The following KARS1 variants were observed in gnomAD, a reference collection of about 807,000 sequenced individuals.
KARS1 encodes the protein lysine--tRNA ligase.
In KARS1, 50 loss-of-function variants were observed where a neutral mutation model predicts 63.9. The ratio of observed to expected loss-of-function variants is 0.78; its 90% CI spans 0.62 to 0.99. The LOEUF is 0.99. Among genes scored for constraint, KARS1 ranks in the 50% least tolerant of loss-of-function variants. The pLI is 0.00. For missense variants in KARS1, 816 were observed against 754.5 expected (o/e 1.08, Z -0.95); for synonymous variants, 320 against 264.6 (o/e 1.21, Z -2.03).
intron 1 of KARS1, among the ~76,000 whole-genome samples, chr16:75,645,716 A>G (rs908817287): frequency 4.6e-5 from 7 of 151,988 alleles, no homozygotes; most frequent in African/African-American, 1.7e-4. Context: ...GTGTTGTGGC[A>G]TGCACCTGTA....
Position 75,631,171 on chromosome 16 carries a change from G to A in KARS1, c.1335C>T (p.Asp445=). ...PPPRTTARLL[D]KLVGEFLEVT... is the part of the protein sequence containing the mutation. ...CAAGAAGGCAGGGCCTTCTCACCTT[G>A]TCAAGGAGCCTGGCTGTGGTCCGAG... Residue 445 remains aspartate (D), a synonymous_variant, in exon 10 of 14, where the codon GAC becomes GAT. Coordinates refer to ENST00000302445, the MANE Select transcript of KARS1 (RefSeq NM_005548.3). 5.6e-6 allele frequency: 9 copies of A among 1,613,148 alleles called. No homozygotes were observed. Among genetic ancestry groups the A allele is most frequent in the Non-Finnish European group, 6.8e-6 (8 of 1,179,264 alleles).
chr16:75,644,044 A>C (rs539393939), intron 1 of KARS1, among the ~76,000 whole-genome samples: 1 of 152,370 alleles, frequency 6.6e-6, no homozygotes, highest in Admixed American at 6.5e-5. Flanking sequence ...TTGTTCAAAC[A>C]AAGGTTTTGT....
Position 75,634,258 on chromosome 16 carries a change from C to G in KARS1, c.830G>C (p.Gly277Ala). Residue 277 changes from glycine to alanine, a missense_variant, in exon 7 of 14, where the codon GGA (glycine) becomes GCA (alanine). Physicochemically the swap from Gly to Ala is moderately conservative, Grantham distance 60. Transcript: ENST00000302445. ...AGTGATGAAAGGCTTGGCCACGGCTCCCCCTGGGATGATGTTCATCATGGG... is the reference window on the plus strand; with the variant it reads ...AGTGATGAAAGGCTTGGCCACGGCTGCCCCTGGGATGATGTTCATCATGGG... The part of the protein sequence containing the change: ...ETPMMNIIPG[G>A]AVAKPFITYH... 1 of 1,613,884 alleles carries G rather than the reference C, an allele frequency of 6.2e-7. No homozygotes were observed.
chr16:75,640,973 C>T (rs552664102), intron 2 of KARS1, among the ~76,000 whole-genome samples: 9 of 152,170 alleles, frequency 5.9e-5, no homozygotes, highest in Non-Finnish European at 1.3e-4. Flanking sequence ...GAGCCCGAGG[C>T]GGGTGGATCA....
chr16:75,643,502 G>A lies in KARS1; in HGVS notation c.63-1779C>T, dbSNP rs143855007. Among the ~76,000 whole-genome samples the A allele has an allele frequency of 3.2e-4, 49 of 151,562 alleles. 1 individual carries two copies. The highest frequency in any genetic ancestry group is 1.2e-3 in the East Asian group (6 of 5,138). ...ACACCATTTTCCTGCCTCAGCCTCCGGAGTAGCTGGGACTACAGGTGCCCG... is the reference window on the plus strand; with the variant it reads ...ACACCATTTTCCTGCCTCAGCCTCCAGAGTAGCTGGGACTACAGGTGCCCG... On this transcript the variant is annotated intron_variant, in intron 1 of 13. Coordinates refer to ENST00000302445, the MANE Select transcript of KARS1 (RefSeq NM_005548.3).
chr16:75,630,223 G>T (rs1391000935), intron 11 of KARS1, among the ~76,000 whole-genome samples, 200 bp downstream of exon 11: 1 of 152,182 alleles, frequency 6.6e-6, no homozygotes, highest in South Asian at 2.1e-4. Flanking sequence ...TGGAGGATAA[G>T]ATCGTATGTG....
chr16:75,644,546 G>A (rs2082260496), intron 1 of KARS1: 1 of 975,712 alleles, frequency 1.0e-6, no homozygotes. Context: ...GTTGGGGAGG[G>A]GGACCATGCT....
chr16:75,636,343 T>A, intron 4 of KARS1, 111 bp downstream of exon 4: 1 of 851,984 alleles, frequency 1.2e-6, no homozygotes, highest in Admixed American at 1.7e-5. Context: ...TCCCCAACCA[T>A]GTCCCACTCC....
intron 10 of KARS1, 26 bp from the exon 11 acceptor site, chr16:75,630,534 A>G (rs2082100335): frequency 6.9e-7 from 1 of 1,444,826 alleles, no homozygotes; most frequent in Non-Finnish European, 9.7e-7. Context: ...AAGCAGAGTC[A>G]GTCACCATTT....
rs893314207 is a variant in KARS1 at position 75,630,298 on chromosome 16, G to A, written c.1424+125C>T. ...ATCCCCAGTTGAAAAAAAGCCACTT[G>A]GGTTACCCTGGTCAACACCACCCAG... On this transcript the variant is annotated intron_variant, in intron 11 of 13. Coordinates refer to ENST00000302445, the MANE Select transcript of KARS1 (RefSeq NM_005548.3). 4.4e-6 allele frequency: 3 copies of A among 686,666 alleles called. No homozygotes were observed. In the Middle Eastern group the frequency reaches 7.2e-4, roughly 164 times the overall value. 42.5% of individuals were successfully genotyped at this position (686,666 alleles called of 1,614,324 possible).
rs57060791 is a variant in KARS1, at chr16:75,636,631, A to AT, written c.389-85dup. The AT allele has an allele frequency of 0.056, 40,183 of 712,902 alleles. 302 individuals are homozygous for AT. Among genetic ancestry groups the AT allele is most frequent in the Non-Finnish European group, 0.07 (30,359 of 431,206 alleles). 44.2% of individuals were successfully genotyped at this position (712,902 alleles called of 1,614,324 possible). A position where few individuals can be genotyped will look rare whatever the true frequency, so the allele number is the denominator to read the frequency against. On this transcript the variant is annotated intron_variant, in intron 3 of 13. Transcript: ENST00000302445. ...AGTGTCAAAAAAAAACTCCCTCTGC[A>AT]TTTTTTTTTTTGTTTTTTTTGGGAC...
intron 3 of KARS1, among the ~76,000 whole-genome samples, chr16:75,638,521 A>C (rs2082189158): frequency 6.6e-6 from 1 of 152,176 alleles, no homozygotes; most frequent in African/African-American, 2.4e-5. Flanking sequence ...TTCAAAAATG[A>C]GCTGAAAGAC....
At chr16:75,638,268 G>A (rs1229609790) in intron 3 of KARS1, among the ~76,000 whole-genome samples, 1 of 150,974 alleles carries the variant, frequency 6.6e-6, no homozygotes, top group Non-Finnish European at 1.5e-5. Flanking sequence ...TGCAGAACAC[G>A]CAGATTTGTC....
intron 7 of KARS1, among the ~76,000 whole-genome samples, chr16:75,633,294 C>G (rs988880479): frequency 6.6e-6 from 1 of 152,140 alleles, no homozygotes; most frequent in South Asian, 2.1e-4. Context: ...TTTCAGTGTA[C>G]GTTTTATTCA....
rs752076127 is a variant in KARS1 at position 75,629,446 on chromosome 16, C to T, written c.1520G>A (p.Arg507Gln). Residue 507 changes from arginine (R) to glutamine (Q), a missense_variant, in exon 12 of 14, where the codon CGG (arginine) becomes CAG (glutamine). Coordinates refer to ENST00000302445, the MANE Select transcript of KARS1 (RefSeq NM_005548.3). Reference protein sequence around the residue: ...NAYTELNDPMRQRQLFEEQAK... With the variant: ...NAYTELNDPMQQRQLFEEQAK... ...CTGTTCTTCAAAAAGCTGCCGCTGC[C>T]GCATGGGATCATTCAGCTCAGTATA... 4.4e-5 allele frequency: 71 copies of T among 1,614,022 alleles called. No homozygotes were observed. The highest frequency in any genetic ancestry group is 2.0e-4 in the Admixed American group (12 of 60,004).
At chr16:75,630,952 A>G (rs967271515) in intron 10 of KARS1, among the ~76,000 whole-genome samples, 1 of 152,102 alleles carries the variant, frequency 6.6e-6, no homozygotes, top group African/African-American at 2.4e-5. Flanking sequence ...TAGCTTTTTA[A>G]AAGCTGGACG....
intron 11 of KARS1, among the ~76,000 whole-genome samples, chr16:75,630,083 T>TTATCAAACATATCAAACATATCAAACG (rs1246687261): frequency 1.3e-5 from 2 of 152,190 alleles, no homozygotes; most frequent in African/African-American, 4.8e-5. Context: ...GGCCAATGGG[T>TTATCAAACATATCAAACATATCAAACG]TATCACCAGA....
In KARS1 at chr16:75,629,502, C is replaced by G. The variant is rs200649943; in HGVS notation, c.1464G>C (p.Leu488=). 6.2e-7 allele frequency: 1 copy of G among 1,614,204 alleles called. No homozygotes were observed. Among genetic ancestry groups the G allele is most frequent in the South Asian group, 1.1e-5 (1 of 91,090 alleles). The change falls in exon 12 of 14, where the codon CTG becomes CTC. Residue 488 remains leucine (L), a synonymous_variant. Coordinates refer to ENST00000302445, the MANE Select transcript of KARS1 (RefSeq NM_005548.3). ...TGCATATCTCTTTCTTCATGACAAA[C>G]AGCTCAAAGCGCTCAGTCAGACCCT... is the stretch of plus-strand genomic sequence containing the variant. ...SKEGLTERFE[L]FVMKKEICNA...
At chr16:75,646,997 C>T (rs1014914480) in intron 1 of KARS1, among the ~76,000 whole-genome samples, 1 of 152,152 alleles carries the variant, frequency 6.6e-6, no homozygotes, top group African/African-American at 2.4e-5. Flanking sequence ...GAGTGGTTAA[C>T]AAAGATATCA....
Sources: allele counts gnomAD v4.1 joint callset (sites outside exome capture counted in the v4.1 genomes callset), GRCh38; gene constraint gnomAD v4.1.1; transcripts MANE v1.5; gene names NCBI Gene and HGNC (gene_info 2026-07-23, HGNC 2026-07-21).